CNTNAP2: variants seen among roughly 807,000 people sequenced by gnomAD.
CNTNAP2 encodes contactin-associated protein-like 2.
A neutral mutation model predicts 155.2 loss-of-function variants in CNTNAP2; 98 were observed. That is an observed-to-expected ratio of 0.63 (90% CI 0.54 to 0.75). The LOEUF (loss-of-function observed/expected upper bound fraction) is 0.75, where lower values mean the gene tolerates loss of function less well. CNTNAP2 is among the 30% of genes least tolerant of loss of function. CNTNAP2 has a pLI of 0.00. For missense variants in CNTNAP2, 1,727 were observed against 1,688.1 expected, an observed-to-expected ratio of 1.02 and a Z score of -0.40; for synonymous variants, 651 against 631.2, an observed-to-expected ratio of 1.03 and a Z score of -0.47.
intron 10 of CNTNAP2, among the ~76,000 whole-genome samples, chr7:147,403,996 T>A (rs1263147986): frequency 6.6e-6 from 1 of 152,182 alleles, no homozygotes; most frequent in Non-Finnish European, 1.5e-5. Flanking sequence ...GAAATGTTAA[T>A]GTCATCATTT....
intron 4 of CNTNAP2, among the ~76,000 whole-genome samples, chr7:147,052,595 T>C (rs989567193): frequency 2.0e-5 from 3 of 151,910 alleles, no homozygotes; most frequent in Non-Finnish European, 4.4e-5. Flanking sequence ...TAACTCAGTG[T>C]TTTTTTCTAA....
chr7:146,241,627 C>A (rs1490338331), intron 1 of CNTNAP2, among the ~76,000 whole-genome samples: 1 of 152,086 alleles, frequency 6.6e-6, no homozygotes, highest in African/African-American at 2.4e-5. Context: ...AGAAAGACAG[C>A]CTTCCACAAA....
At chr7:146,366,943 A>C (rs892734277) in intron 1 of CNTNAP2, among the ~76,000 whole-genome samples, 4 of 152,130 alleles carry the variant, frequency 2.6e-5, no homozygotes, top group African/African-American at 9.7e-5. Flanking sequence ...ATGAAACAGA[A>C]TCTTACATAA....
At chr7:146,721,889 A>ATATATATTTTTTTT in intron 1 of CNTNAP2, among the ~76,000 whole-genome samples, 1 of 69,736 alleles carries the variant, frequency 1.4e-5, no homozygotes, top group African/African-American at 1.9e-4. Context: ...ATATATATAT[A>ATATATATTTTTTTT]TTTTTTTTTT....
intron 21 of CNTNAP2, among the ~76,000 whole-genome samples, chr7:148,319,143 A>G (rs1427654297): frequency 6.6e-6 from 1 of 152,206 alleles, no homozygotes; most frequent in East Asian, 1.9e-4. Context: ...ATAGATAAGA[A>G]AGCATATCGA....
intron 3 of CNTNAP2, among the ~76,000 whole-genome samples, chr7:146,858,294 C>T (rs918437126): frequency 2.6e-5 from 4 of 152,134 alleles, no homozygotes; most frequent in Non-Finnish European, 4.4e-5. Context: ...AAGAACCTGC[C>T]TAAATGAGAA....
Position 147,351,374 on chromosome 7 carries a change from G to C in CNTNAP2, c.1499-44235G>C, listed in dbSNP as rs184159160. On this transcript the variant is annotated intron_variant, in intron 9 of 23. Transcript: ENST00000361727. The stretch of plus-strand genomic sequence containing the variant: ...ATATGCAGCTCCTGGAATAATCCTA[G>C]AACAACGCATAGTTTATAAAAAAAA... Among the ~76,000 whole-genome samples the C allele has an allele frequency of 4.0e-5, 6 of 151,620 alleles. 1 individual carries two copies. The highest frequency in any genetic ancestry group is 7.2e-5 in the African/African-American group (3 of 41,448).
intron 1 of CNTNAP2, among the ~76,000 whole-genome samples, chr7:146,142,531 G>A (rs561889486): frequency 7.2e-5 from 11 of 152,338 alleles, no homozygotes; most frequent in African/African-American, 2.4e-4. Flanking sequence ...GAAGGAAACA[G>A]TTGAGAGGGA....
chr7:148,154,049 T>G (rs78843497), intron 17 of CNTNAP2, among the ~76,000 whole-genome samples: 99 of 152,356 alleles, frequency 6.5e-4, no homozygotes, highest in African/African-American at 2.3e-3. Flanking sequence ...TCATGACAAA[T>G]GTCCGTGCTC....
At chr7:148,083,502 C>T (rs936545618) in intron 15 of CNTNAP2, among the ~76,000 whole-genome samples, 1 of 152,112 alleles carries the variant, frequency 6.6e-6, no homozygotes, top group Non-Finnish European at 1.5e-5. Context: ...GTGACTGAAA[C>T]CAGAGGCAGA....
chr7:146,330,677 C>A (rs542115664), intron 1 of CNTNAP2, among the ~76,000 whole-genome samples: 1 of 152,182 alleles, frequency 6.6e-6, no homozygotes, highest in Non-Finnish European at 1.5e-5. Flanking sequence ...AACAGAAAGA[C>A]CAAAAACCCT....
At chr7:146,889,050 TG>T (rs1795728443) in intron 3 of CNTNAP2, among the ~76,000 whole-genome samples, 1 of 151,900 alleles carries the variant, frequency 6.6e-6, no homozygotes, top group African/African-American at 2.4e-5. Flanking sequence ...GAGGAAACAT[TG>T]GGAACTGATA....
intron 9 of CNTNAP2, among the ~76,000 whole-genome samples, chr7:147,384,673 G>A (rs894643854): frequency 3.3e-5 from 5 of 152,190 alleles, no homozygotes; most frequent in Non-Finnish European, 4.4e-5. Flanking sequence ...GCATAACAAG[G>A]TGGAATAAAT....
At chr7:146,992,131 G>A (rs1798219646) in intron 3 of CNTNAP2, among the ~76,000 whole-genome samples, 1 of 152,006 alleles carries the variant, frequency 6.6e-6, no homozygotes, top group South Asian at 2.1e-4. Context: ...ACAGTACATA[G>A]CATCTTTTAG....
chr7:146,601,689 A>C (rs983795070), intron 1 of CNTNAP2, among the ~76,000 whole-genome samples: 4 of 152,150 alleles, frequency 2.6e-5, no homozygotes, highest in Admixed American at 2.6e-4. Context: ...TGGGAGAGCT[A>C]GCTCTATAAG....
At position 148,194,350 on chromosome 7, in the gene CNTNAP2, T is replaced by C. The variant is rs564778456; in HGVS notation, c.3010+21872T>C. 4.6e-5 allele frequency among the ~76,000 whole-genome samples: 7 copies of C among 152,272 alleles called. No homozygotes were observed. In the South Asian group the frequency reaches 1.2e-3, roughly 27 times the overall value. ...AGCCTTGAGTGATCTACCCTATGTA[T>C]AAAAGCATTTGCCATTTAGTAACAA... On this transcript the variant is annotated intron_variant, in intron 18 of 23. Coordinates refer to ENST00000361727, the MANE Select transcript of CNTNAP2 (RefSeq NM_014141.6).
intron 13 of CNTNAP2, among the ~76,000 whole-genome samples, chr7:147,853,593 A>T (rs1164203684): frequency 1.3e-5 from 2 of 152,222 alleles, no homozygotes; most frequent in Non-Finnish European, 2.9e-5. Flanking sequence ...GCACTAATTA[A>T]GCTGCTTTGC....
rs541649598 is a variant in CNTNAP2 at position 146,740,124 on chromosome 7, CT to C, written c.98-34140del. Among the ~76,000 whole-genome samples, 435 of 152,046 alleles carry C rather than the reference CT, an allele frequency of 2.9e-3. 1 individual carries two copies. The highest frequency in any genetic ancestry group is 9.6e-3 in the African/African-American group (398 of 41,526). On this transcript the variant is annotated intron_variant, in intron 1 of 23. Coordinates refer to ENST00000361727, the MANE Select transcript of CNTNAP2 (RefSeq NM_014141.6). ...GATGCTGTCACATAAGTTTCATAAG[CT>C]TTTTTTCAGTCCTTGTCATTCTTTA...
Position 148,246,615 on chromosome 7 carries a change from C to T in CNTNAP2, c.3381+16836C>T, listed in dbSNP as rs12668142. 4.5e-4 allele frequency among the ~76,000 whole-genome samples: 68 copies of T among 152,250 alleles called. No individual in the cohort carries two copies. In the East Asian group the frequency reaches 0.012, roughly 28 times the overall value. On this transcript the variant is annotated intron_variant, in intron 20 of 23. Coordinates refer to ENST00000361727, the MANE Select transcript of CNTNAP2 (RefSeq NM_014141.6). Reference sequence around the variant, plus strand: ...GGAGACCAGCCAATAAAGAAGAAAACGCTGTTTCATTACTAGGTTTAGACC... The same window carrying T: ...GGAGACCAGCCAATAAAGAAGAAAATGCTGTTTCATTACTAGGTTTAGACC...
Sources: allele counts gnomAD v4.1 joint callset (sites outside exome capture counted in the v4.1 genomes callset), GRCh38; gene constraint gnomAD v4.1.1; transcripts MANE v1.5; gene names NCBI Gene and HGNC (gene_info 2026-07-23, HGNC 2026-07-21).